Variants in SEM1 observed in about 807,000 individuals in gnomAD.
SEM1 encodes SEM1 26S proteasome subunit, also known as 26S proteasome complex subunit SEM1.
Under a neutral mutation model 12.7 loss-of-function variants are expected in SEM1, and 3 were observed. The observed-to-expected ratio is 0.24, with a 90% CI of 0.11 to 0.61. SEM1 has a LOEUF of 0.61. Ranked by LOEUF, SEM1 falls within the 20% of genes least tolerant of loss-of-function variation. The pLI is 0.88. For synonymous variants in SEM1, 30 were observed against 27.8 expected (o/e 1.08, Z -0.25); for missense variants, 59 against 81.3 (o/e 0.73, Z 1.06).
intron 2 of SEM1, among the ~76,000 whole-genome samples, chr7:96,679,638 CCT>C (rs1789546457): frequency 6.6e-6 from 1 of 152,172 alleles, no homozygotes; most frequent in East Asian, 1.9e-4. Context: ...ATCTGATTGA[CCT>C]CTTTTGCCAG....
At chr7:96,542,787 A>G (rs1244198326) in intron 2 of SEM1, among the ~76,000 whole-genome samples, 1 of 151,840 alleles carries the variant, frequency 6.6e-6, no homozygotes, top group Non-Finnish European at 1.5e-5. Context: ...TTTGGGGGAA[A>G]TATGAATAAT....
At chr7:96,650,615 T>C (rs1003290419) in intron 2 of SEM1, 2 of 666,346 alleles carry the variant, frequency 3.0e-6, no homozygotes, top group Non-Finnish European at 5.4e-6. Flanking sequence ...AGACATTACT[T>C]AGAATTTAAA....
At chr7:96,575,819 C>A (rs1412147680) in intron 2 of SEM1, among the ~76,000 whole-genome samples, 1 of 152,176 alleles carries the variant, frequency 6.6e-6, no homozygotes, top group Non-Finnish European at 1.5e-5. Flanking sequence ...TATTTGCAAA[C>A]TATGCATCTG....
intron 2 of SEM1, among the ~76,000 whole-genome samples, chr7:96,567,733 C>G (rs904747732): frequency 6.6e-6 from 1 of 151,338 alleles, no homozygotes; most frequent in Non-Finnish European, 1.5e-5. Flanking sequence ...CCTTCATACC[C>G]TTTCTGAGCA....
intron 2 of SEM1, among the ~76,000 whole-genome samples, chr7:96,657,833 C>T (rs896373320): frequency 6.6e-6 from 1 of 152,144 alleles, no homozygotes; most frequent in Admixed American, 6.5e-5. Flanking sequence ...TGGCTGCCTC[C>T]ATTAGGAATG....
intron 2 of SEM1, among the ~76,000 whole-genome samples, chr7:96,608,269 A>T (rs1367701042): frequency 3.9e-5 from 6 of 152,138 alleles, no homozygotes; most frequent in Admixed American, 3.9e-4. Flanking sequence ...TTAGTACCCC[A>T]CCAGGGAGAC....
At chr7:96,677,665 G>A (rs1290070334) in intron 2 of SEM1, among the ~76,000 whole-genome samples, 2 of 152,046 alleles carry the variant, frequency 1.3e-5, no homozygotes, top group Non-Finnish European at 1.5e-5. Flanking sequence ...CTATTCAGTG[G>A]TCTGGGCTGA....
intron 2 of SEM1, chr7:96,558,017 A>G (rs1427814168): frequency 1.9e-5 from 3 of 154,030 alleles, no homozygotes; most frequent in Non-Finnish European, 4.3e-5. Flanking sequence ...GCGCTTCCCA[A>G]GTGAGGCAAT....
intron 2 of SEM1, among the ~76,000 whole-genome samples, chr7:96,561,922 G>T (rs1019259789): frequency 2.6e-5 from 4 of 151,988 alleles, no homozygotes; most frequent in Admixed American, 6.6e-5. Context: ...AGTATTTGTG[G>T]TATTATTATT....
At chr7:96,662,372 A>T (rs1475247123) in intron 2 of SEM1, among the ~76,000 whole-genome samples, 1 of 152,184 alleles carries the variant, frequency 6.6e-6, no homozygotes, top group African/African-American at 2.4e-5. Context: ...TTTTGTAGGG[A>T]CATGGATGAA....
upstream of SEM1, among the ~76,000 whole-genome samples, chr7:96,499,191 T>A (rs1803417451): frequency 6.6e-6 from 1 of 152,286 alleles, no homozygotes; most frequent in Non-Finnish European, 1.5e-5. Flanking sequence ...GTCAAGAAAT[T>A]TCTGTTCCTG....
intron 2 of SEM1, among the ~76,000 whole-genome samples, chr7:96,586,006 T>C (rs908896319): frequency 3.0e-4 from 46 of 152,172 alleles, no homozygotes; most frequent in African/African-American, 1.1e-3. Flanking sequence ...TATTTCAGTT[T>C]TAAAAAAGTA....
intron 2 of SEM1, among the ~76,000 whole-genome samples, chr7:96,682,438 G>A (rs891841247): frequency 1.3e-4 from 20 of 152,212 alleles, no homozygotes; most frequent in African/African-American, 4.6e-4. Flanking sequence ...TAGGAGTGGT[G>A]AGAGAGGTCA....
exon 4 of SEM1, chr7:96,483,721 C>T: frequency 8.9e-7 from 1 of 1,125,830 alleles, no homozygotes; most frequent in Non-Finnish European, 1.3e-6. Flanking sequence ...ACCCACCCAG[C>T]CACACAGAAA....
rs1250090075 is a variant in SEM1, at chr7:96,538,307, C to G, written c.171-31609G>C. ...TTCCAAAAGCTATGCCATGTCTGAG[C>G]CTAATTCAGATAGTTGTTTTGTCTC... On this transcript the variant is annotated intron_variant and NMD_transcript_variant, in intron 2 of 3. Transcript: ENST00000466986. Among the ~76,000 whole-genome samples, 6 of 151,734 alleles carry G rather than the reference C, an allele frequency of 4.0e-5. No homozygotes were observed. The Admixed American group carries it at 4.0e-4, about 10-fold the overall frequency.
chr7:96,651,078 C>T (rs937362207), intron 2 of SEM1, among the ~76,000 whole-genome samples: 1 of 152,182 alleles, frequency 6.6e-6, no homozygotes, highest in African/African-American at 2.4e-5. Context: ...TCCAGAAGAA[C>T]AGCTTTGAAC....
downstream of SEM1, among the ~76,000 whole-genome samples, chr7:96,686,462 T>C (rs2115776313): frequency 6.6e-6 from 1 of 152,282 alleles, no homozygotes; most frequent in East Asian, 1.9e-4. Context: ...ATTCAGGCCA[T>C]CACTTAATAC....
intron 2 of SEM1, chr7:96,645,657 T>C: frequency 2.5e-6 from 1 of 397,062 alleles, no homozygotes; most frequent in Non-Finnish European, 4.4e-6. Flanking sequence ...TTATATACCA[T>C]ACACAGTAGT....
At chr7:96,695,277 C>T (rs575894751) in intron 1 of SEM1, 116 of 159,782 alleles carry the variant, frequency 7.3e-4, no homozygotes, top group South Asian at 1.4e-3. Flanking sequence ...AACTGCAAAA[C>T]GTAAGGATAA....
Sources: gnomAD v4.1 joint callset for allele counts (sites outside exome capture counted in the v4.1 genomes callset) on GRCh38, gnomAD v4.1.1 for gene constraint, MANE v1.5 for transcripts, NCBI Gene and HGNC (gene_info 2026-07-23, HGNC 2026-07-21) for gene names.